Variants in ZNF718 observed in about 807,000 individuals in gnomAD.
ZNF718 encodes zinc finger protein 718.
ZNF718 carries 3 observed loss-of-function variants against 2.6 expected under a neutral mutation model. That is an observed-to-expected ratio of 1.16 (90% confidence interval 0.53 to 3.01). The LOEUF (loss-of-function observed/expected upper bound fraction) is 3.01, where lower values mean the gene tolerates loss of function less well. ZNF718 is among the 30% of genes most tolerant of loss of function. The pLI is 0.03. For synonymous variants in ZNF718, 135 were observed against 77.9 expected, an observed-to-expected ratio of 1.73 and a Z score of -3.86; for missense variants, 468 against 230.0, an observed-to-expected ratio of 2.03 and a Z score of -6.69.
intron 3 of ZNF718, among the ~76,000 whole-genome samples, chr4:178,456 T>C (rs1407507470): frequency 1.3e-5 from 2 of 152,166 alleles, no homozygotes; most frequent in Admixed American, 6.5e-5. Context: ...ATTTTTAATA[T>C]CTTGGGAAAC....
intron 3 of ZNF718, among the ~76,000 whole-genome samples, chr4:171,932 C>T (rs782190787): frequency 7.2e-5 from 11 of 152,218 alleles, no homozygotes; most frequent in Non-Finnish European, 1.2e-4. Flanking sequence ...TCTTCTGCGT[C>T]GCTCACGCTG....
At chr4:131,901 C>T (rs1292251121) in intron 3 of ZNF718, among the ~76,000 whole-genome samples, 2 of 100,932 alleles carry the variant, frequency 2.0e-5, no homozygotes, top group African/African-American at 3.5e-5. Context: ...AAAAATTAGC[C>T]GGGTGTGGTG....
intron 3 of ZNF718, among the ~76,000 whole-genome samples, chr4:190,291 G>T (rs186265517): frequency 3.3e-5 from 5 of 151,968 alleles, no homozygotes; most frequent in Admixed American, 3.3e-4. Flanking sequence ...TTAGCCAGGC[G>T]TGGTGATGGG....
chr4:126,971 G>A (rs1262366003), intron 1 of ZNF718, among the ~76,000 whole-genome samples: 5 of 151,990 alleles, frequency 3.3e-5, no homozygotes, highest in African/African-American at 9.7e-5. Context: ...GATTACAGGC[G>A]CGCCACCACA....
At chr4:168,299 G>T (rs1717137254), downstream of ZNF718, among the ~76,000 whole-genome samples, 1 of 152,162 alleles carries the variant, frequency 6.6e-6, no homozygotes, top group Admixed American at 6.6e-5. Context: ...AGGGATATTG[G>T]TCTAAAATTC....
chr4:188,611 T>G (rs1415583608), intron 3 of ZNF718, among the ~76,000 whole-genome samples: 5 of 152,204 alleles, frequency 3.3e-5, no homozygotes, highest in Non-Finnish European at 5.9e-5. Context: ...GACTGAAGTG[T>G]GTAAAGCTCC....
chr4:168,190 G>A (rs1375962557), downstream of ZNF718, among the ~76,000 whole-genome samples: 1 of 152,182 alleles, frequency 6.6e-6, no homozygotes, highest in Non-Finnish European at 1.5e-5. Flanking sequence ...TTGCATCCCA[G>A]GGATGAAGCC....
intron 3 of ZNF718, among the ~76,000 whole-genome samples, chr4:199,757 T>C (rs1444669195): frequency 1.3e-5 from 2 of 152,216 alleles, no homozygotes; most frequent in African/African-American, 4.8e-5. Flanking sequence ...GATTTTTCTC[T>C]TCTTGGTCAT....
chr4:166,049 GTC>G (rs1717079671), downstream of ZNF718, among the ~76,000 whole-genome samples: 1 of 151,990 alleles, frequency 6.6e-6, no homozygotes, highest in Admixed American at 6.6e-5. Context: ...CCCTTCCTGT[GTC>G]CATGAGTTCT....
chr4:157,640 T>G (rs897155134), intron 3 of ZNF718, among the ~76,000 whole-genome samples: 2 of 152,182 alleles, frequency 1.3e-5, no homozygotes, highest in African/African-American at 4.8e-5. Flanking sequence ...CTTTCTATAA[T>G]TATGTAAGAT....
intron 3 of ZNF718, among the ~76,000 whole-genome samples, chr4:190,975 G>T (rs957363538): frequency 2.0e-5 from 3 of 151,534 alleles, no homozygotes; most frequent in Non-Finnish European, 2.9e-5. Context: ...GGAGGCAGAG[G>T]TTGCAGTGAG....
At chr4:135,511 T>A (rs1715521282) in intron 3 of ZNF718, among the ~76,000 whole-genome samples, 1 of 145,634 alleles carries the variant, frequency 6.9e-6, no homozygotes, top group Non-Finnish European at 1.5e-5. Flanking sequence ...GATTTGTCTG[T>A]CCAAAGGAGG....
intron 1 of ZNF718, among the ~76,000 whole-genome samples, chr4:129,771 C>T (rs1465728322): frequency 4.6e-5 from 3 of 65,458 alleles, no homozygotes; most frequent in Admixed American, 2.3e-4. Context: ...TATTATTCTA[C>T]GCATTTAAAA....
chr4:166,447 C>T (rs1717089421), downstream of ZNF718, among the ~76,000 whole-genome samples: 6 of 152,202 alleles, frequency 3.9e-5, no homozygotes, highest in South Asian at 8.3e-4. Flanking sequence ...AATGGTTGAA[C>T]TAGTTTACAG....
chr4:189,324 T>G (rs1315399353), intron 3 of ZNF718, among the ~76,000 whole-genome samples: 1 of 152,150 alleles, frequency 6.6e-6, no homozygotes, highest in East Asian at 1.9e-4. Flanking sequence ...AAAAATTTCT[T>G]TCAGCATTTT....
intron 3 of ZNF718, 43 bp from the exon 4 acceptor site, chr4:160,868 TG>T (rs2108802672): frequency 1.4e-6 from 1 of 713,468 alleles, no homozygotes; most frequent in East Asian, 2.4e-5. Flanking sequence ...TATATTTATA[TG>T]AATCTAGTAA....
chr4:165,616 T>C (rs180921162), downstream of ZNF718, among the ~76,000 whole-genome samples: 1 of 152,292 alleles, frequency 6.6e-6, no homozygotes, highest in Non-Finnish European at 1.5e-5. Context: ...CTGGCCAACA[T>C]GGCAAAACCC....
Position 189,062 on chromosome 4 carries a change from T to A in ZNF718, c.227-12019T>A, listed in dbSNP as rs545774795. Among the ~76,000 whole-genome samples, 1,305 of 138,898 alleles carry A rather than the reference T, an allele frequency of 9.4e-3. 21 individuals carry two copies. Among genetic ancestry groups the A allele is most frequent in the African/African-American group, 0.02 (636 of 32,478 alleles). 91.1% of individuals were successfully genotyped at this position (138,898 alleles called of 152,430 possible). A position where few individuals can be genotyped will look rare whatever the true frequency, so the allele number is the denominator to read the frequency against. ...ATTTACATTGAATCTGTAGATTATT[T>A]TTTTTTTTTTTTTTTGAGATGGAGT... is the stretch of plus-strand genomic sequence containing the variant. On this transcript the variant is annotated intron_variant and NMD_transcript_variant, in intron 3 of 4. Transcript: ENST00000642529.
chr4:201,044 A>AT (rs1248624252), intron 3 of ZNF718: 2 of 152,220 alleles, frequency 1.3e-5, no homozygotes, highest in South Asian at 2.1e-4. Context: ...CGAGAGGAGA[A>AT]TATGTTTGTC....
Sources: allele counts gnomAD v4.1 joint callset (sites outside exome capture counted in the v4.1 genomes callset), GRCh38; gene constraint gnomAD v4.1.1; transcripts MANE v1.5; gene names NCBI Gene and HGNC (gene_info 2026-07-23, HGNC 2026-07-21).